ADSS2: variants seen among roughly 807,000 people sequenced by gnomAD.
ADSS2 encodes adenylosuccinate synthetase isozyme 2.
ADSS2 carries 30 observed loss-of-function variants against 60.0 expected under a neutral mutation model. The observed-to-expected ratio is 0.50, with a 90% CI of 0.37 to 0.68. ADSS2 has a LOEUF of 0.68. ADSS2 is among the 30% of genes least tolerant of loss of function. The pLI, the probability that ADSS2 is intolerant of heterozygous loss-of-function variation, is 0.00. For missense variants in ADSS2, 373 were observed against 554.8 expected, an observed-to-expected ratio of 0.67 and a Z score of 3.29; for synonymous variants, 187 against 193.1, an observed-to-expected ratio of 0.97 and a Z score of 0.26.
chr1:244,447,596 A>G (rs1408900146), intron 1 of ADSS2, among the ~76,000 whole-genome samples: 2 of 152,226 alleles, frequency 1.3e-5, no homozygotes, highest in Non-Finnish European at 2.9e-5. Context: ...TTGAGGAGAT[A>G]CATGAAAAAG....
intron 3 of ADSS2, among the ~76,000 whole-genome samples, chr1:244,432,831 ATT>A (rs1216471437): frequency 6.8e-6 from 1 of 148,000 alleles, no homozygotes; most frequent in Admixed American, 6.8e-5. Context: ...CACCTGGCTA[ATT>A]TTTTTTTTGT....
chr1:244,432,890 G>A (rs147018830), intron 3 of ADSS2, among the ~76,000 whole-genome samples: 10 of 151,544 alleles, frequency 6.6e-5, no homozygotes, highest in African/African-American at 2.4e-5. Context: ...GGATGGTCTC[G>A]ATCTCCTGAC....
intron 4 of ADSS2, chr1:244,424,759 C>T (rs138670436): frequency 3.3e-4 from 64 of 194,354 alleles, no homozygotes; most frequent in African/African-American, 1.3e-3. Context: ...TCACTAGTCT[C>T]GAGCTTCCAT....
At position 244,442,993 on chromosome 1, in the gene ADSS2, T is replaced by A. The variant is rs192187853; in HGVS notation, c.184-5225A>T. Among the ~76,000 whole-genome samples the A allele has an allele frequency of 4.6e-5, 7 of 152,172 alleles. No individual in the cohort carries two copies. The East Asian group carries it at 1.4e-3, about 29-fold the overall frequency. On this transcript the variant is annotated intron_variant, in intron 1 of 12. Transcript: ENST00000366535. ...GAGCACCCCCTCAGTCTCCCACCTA[T>A]GTATTAGAAGGGCAGATGGAGCTGC...
chr1:244,411,543 A>G (rs1356696336), intron 11 of ADSS2, 107 bp from the exon 12 acceptor site: 6 of 1,189,856 alleles, frequency 5.0e-6, no homozygotes, highest in African/African-American at 1.5e-5. Context: ...TTGGAGCCAC[A>G]TATGTTTTGG....
chr1:244,427,503 C>T (rs1389602677), intron 4 of ADSS2, among the ~76,000 whole-genome samples: 1 of 152,098 alleles, frequency 6.6e-6, no homozygotes, highest in Non-Finnish European at 1.5e-5. Flanking sequence ...CTAGTCTAAA[C>T]ATTCCAATTA....
At chr1:244,418,353 G>A (rs968508542) in intron 9 of ADSS2, among the ~76,000 whole-genome samples, 2 of 152,056 alleles carry the variant, frequency 1.3e-5, no homozygotes, top group African/African-American at 4.8e-5. Context: ...ACAGAGTCTC[G>A]CTCTGTTGCG....
intron 1 of ADSS2, among the ~76,000 whole-genome samples, chr1:244,444,911 T>C (rs1184569786): frequency 6.6e-6 from 1 of 152,162 alleles, no homozygotes; most frequent in Non-Finnish European, 1.5e-5. Context: ...CCAGGTTAGT[T>C]ATAGCTTTTG....
At chr1:244,447,761 T>C (rs1304421691) in intron 1 of ADSS2, among the ~76,000 whole-genome samples, 2 of 152,296 alleles carry the variant, frequency 1.3e-5, no homozygotes, top group African/African-American at 4.8e-5. Flanking sequence ...CTTAAATGTA[T>C]GCCACCAGTC....
At chr1:244,442,799 G>A (rs960698850) in intron 1 of ADSS2, among the ~76,000 whole-genome samples, 1 of 152,170 alleles carries the variant, frequency 6.6e-6, no homozygotes, top group East Asian at 1.9e-4. Context: ...CCATTTGGAT[G>A]TTAACCTAAA....
intron 6 of ADSS2, among the ~76,000 whole-genome samples, chr1:244,423,229 G>T (rs1664715090): frequency 6.6e-6 from 1 of 152,162 alleles, no homozygotes; most frequent in Non-Finnish European, 1.5e-5. Context: ...TGAATTAACT[G>T]TATTATACTG....
intron 7 of ADSS2, among the ~76,000 whole-genome samples, chr1:244,422,485 C>G (rs1558271596): frequency 6.6e-6 from 1 of 152,222 alleles, no homozygotes; most frequent in South Asian, 2.1e-4. Flanking sequence ...CTTTGCTGAT[C>G]TGTCCTCCAA....
chr1:244,451,995 C>G (rs1665640118), upstream of ADSS2: 20 of 607,072 alleles, frequency 3.3e-5, no homozygotes, highest in Middle Eastern at 4.7e-4. The surrounding 1 kb of genome is among the most constrained non-coding windows in gnomAD (Gnocchi z 6.6). Context: ...CCGCCACAGC[C>G]CGCTCAAGGG....
chr1:244,451,595 T>C lies in ADSS2; in HGVS notation c.183+40A>G. ...GCACCAGGAGCCAGGCAGCCCGAGC[T>C]CCCGGGCCCGGCTTCCCATGAGAGG... On this transcript the variant is annotated intron_variant, in intron 1 of 12. Coordinates refer to ENST00000366535, the MANE Select transcript of ADSS2 (RefSeq NM_001126.5). This position sits in a 1 kb window ranked among gnomAD's most constrained non-coding sequence, Gnocchi z 6.6. 1 of 1,568,518 alleles carries C rather than the reference T, an allele frequency of 6.4e-7. No individual in the cohort carries two copies. The highest frequency in any genetic ancestry group is 1.4e-5 in the African/African-American group (1 of 73,376).
intron 3 of ADSS2, among the ~76,000 whole-genome samples, chr1:244,434,064 T>C (rs1378840333): frequency 1.3e-5 from 2 of 151,640 alleles, no homozygotes; most frequent in Admixed American, 1.3e-4. Flanking sequence ...AAAAATTACT[T>C]TTGGCTGAGA....
At chr1:244,437,477 T>C (rs923090997) in intron 2 of ADSS2, among the ~76,000 whole-genome samples, 189 bp downstream of exon 2, 1 of 152,074 alleles carries the variant, frequency 6.6e-6, no homozygotes, top group Non-Finnish European at 1.5e-5. Flanking sequence ...AAAGTATTAC[T>C]GTTAAAAGAT....
At chr1:244,411,179 C>A in intron 12 of ADSS2, 108 bp downstream of exon 12, 1 of 1,150,362 alleles carries the variant, frequency 8.7e-7, no homozygotes, top group South Asian at 1.6e-5. Flanking sequence ...CGAGATCCCG[C>A]CACTGCACTC....
intron 10 of ADSS2, 90 bp from the exon 11 acceptor site, chr1:244,416,168 C>T (rs1012218459): frequency 3.5e-6 from 3 of 848,502 alleles, no homozygotes; most frequent in East Asian, 2.6e-5. Flanking sequence ...AAGAAAAATT[C>T]ATGCAAAGCT....
chr1:244,409,750 T>A, intron 12 of ADSS2, 112 bp from the exon 13 acceptor site: 1 of 798,020 alleles, frequency 1.3e-6, no homozygotes, highest in Non-Finnish European at 2.1e-6. Context: ...AACTTTTCCC[T>A]ATGTGCCTTT....
Sources: gnomAD v4.1 joint callset for allele counts (sites outside exome capture counted in the v4.1 genomes callset) on GRCh38, gnomAD v4.1.1 for gene constraint, Gnocchi (gnomAD v3.1) non-coding constraint, MANE v1.5 for transcripts, NCBI Gene and HGNC (gene_info 2026-07-23, HGNC 2026-07-21) for gene names.